The following VCL variants were observed in gnomAD, a reference collection of about 807,000 sequenced individuals.
The protein encoded by VCL is epididymis luminal protein 114.
VCL carries 47 observed loss-of-function variants against 125.7 expected under a neutral mutation model. The observed-to-expected ratio is 0.37, with a 90% CI of 0.30 to 0.48. The LOEUF is 0.48. Among genes scored for constraint, VCL ranks in the 20% least tolerant of loss-of-function variants. The pLI is 0.99. For synonymous variants in VCL, 458 were observed against 514.6 expected (o/e 0.89, Z 1.49); for missense variants, 1,069 against 1,455.5 (o/e 0.73, Z 4.32).
At chr10:74,022,604 AT>A (rs1565636376) in intron 1 of VCL, among the ~76,000 whole-genome samples, 10 of 40,344 alleles carry the variant, frequency 2.5e-4, no homozygotes, top group African/African-American at 4.0e-4. Flanking sequence ...AAATAAATAA[AT>A]AAATAAGTAA....
chr10:74,120,485 A>G (rs1340325528), downstream of VCL: 1 of 152,226 alleles, frequency 6.6e-6, no homozygotes, highest in Non-Finnish European at 1.5e-5. Flanking sequence ...TTCCCCGAAA[A>G]GCTAAAGTTG....
intron 8 of VCL, 44 bp from the exon 9 acceptor site, chr10:74,089,148 TTAAG>T (rs1306119974): frequency 2.5e-6 from 4 of 1,612,628 alleles, no homozygotes; most frequent in South Asian, 1.1e-5. Flanking sequence ...TATTTTGTCA[TTAAG>T]TATTTGAGGG....
chr10:74,000,302 C>T (rs1051181050), intron 1 of VCL, among the ~76,000 whole-genome samples: 13 of 142,932 alleles, frequency 9.1e-5, no homozygotes, highest in African/African-American at 2.6e-4. Context: ...CGCTCTGTCA[C>T]GCAGGCGCTG....
intron 1 of VCL, among the ~76,000 whole-genome samples, chr10:74,008,408 T>C (rs1348857370): frequency 6.6e-6 from 1 of 152,240 alleles, no homozygotes; most frequent in African/African-American, 2.4e-5. Flanking sequence ...AAATTCATAA[T>C]GTGAGAGTAT....
intron 2 of VCL, among the ~76,000 whole-genome samples, chr10:74,051,186 G>A (rs1448304787): frequency 6.6e-6 from 1 of 151,426 alleles, no homozygotes; most frequent in Non-Finnish European, 1.5e-5. Context: ...TGATCCATTT[G>A]CCTCAGCCTC....
intron 19 of VCL, among the ~76,000 whole-genome samples, chr10:74,112,334 TG>T (rs138082058): frequency 1.9e-4 from 29 of 151,428 alleles, no homozygotes; most frequent in East Asian, 7.8e-4. Context: ...TGAAGAGAGA[TG>T]GGGGGGGTCA....
At chr10:74,049,517 A>G (rs1841260126) in intron 2 of VCL, among the ~76,000 whole-genome samples, 1 of 152,174 alleles carries the variant, frequency 6.6e-6, no homozygotes, top group Non-Finnish European at 1.5e-5. Context: ...GAATAGTAGA[A>G]AGAGCGTTTA....
chr10:74,004,485 C>G (rs1840283186), intron 1 of VCL, among the ~76,000 whole-genome samples: 1 of 152,156 alleles, frequency 6.6e-6, no homozygotes, highest in African/African-American at 2.4e-5. Flanking sequence ...TCCACATCTA[C>G]TTAGAGCAAA....
rs1053319907 is a variant in VCL, at chr10:74,097,488, T to C, written c.1872+156T>C. Among the ~76,000 whole-genome samples the C allele has an allele frequency of 4.6e-5, 7 of 152,184 alleles. No individual in the cohort carries two copies. The highest frequency in any genetic ancestry group is 1.2e-4 in the African/African-American group (5 of 41,446). ...GGGAAAGCCCTACCACCTCTACTTT[T>C]AGTCTCCACGTATATCAGTGAGGAA... On this transcript the variant is annotated intron_variant, in intron 13 of 21. Transcript: ENST00000211998. This position sits in a 1 kb window ranked among gnomAD's most constrained non-coding sequence, Gnocchi z 4.1.
chr10:74,046,449 C>T (rs1841198166), intron 2 of VCL, among the ~76,000 whole-genome samples: 1 of 152,148 alleles, frequency 6.6e-6, no homozygotes, highest in Non-Finnish European at 1.5e-5. Context: ...CTCCCTGTTG[C>T]CCAGGCTGGT....
At chr10:74,035,950 ATAATT>A (rs1432214422) in intron 1 of VCL, among the ~76,000 whole-genome samples, 1 of 152,194 alleles carries the variant, frequency 6.6e-6, no homozygotes, top group Non-Finnish European at 1.5e-5. Context: ...TAATCCAGAG[ATAATT>A]TAAAGTATGT....
At chr10:74,107,641 A>T (rs1460398532) in intron 17 of VCL, among the ~76,000 whole-genome samples, 1 of 151,926 alleles carries the variant, frequency 6.6e-6, no homozygotes, top group East Asian at 1.9e-4. Context: ...GTAAGTGTGG[A>T]TGTGATGAGT....
chr10:74,042,583 A>G (rs1313525914), intron 1 of VCL, among the ~76,000 whole-genome samples: 1 of 152,102 alleles, frequency 6.6e-6, no homozygotes, highest in Non-Finnish European at 1.5e-5. Flanking sequence ...ATATTGTTTT[A>G]ATTTCAGTTT....
chr10:74,101,012 A>C lies in VCL; in HGVS notation c.1937A>C (p.Lys646Thr), dbSNP rs751374648. 1.2e-6 allele frequency: 2 copies of C among 1,614,090 alleles called. No homozygotes were observed. The highest frequency in any genetic ancestry group is 1.7e-6 in the Non-Finnish European group (2 of 1,179,978). ...HSGKLGATAE[K>T]AAAVGTANKS... ...GGAAAGCTTGGTGCTACGGCCGAGAAGGCGGCTGCGGTTGGTACTGCTAAT... is the reference window on the plus strand; with the variant it reads ...GGAAAGCTTGGTGCTACGGCCGAGACGGCGGCTGCGGTTGGTACTGCTAAT... Residue 646 changes from lysine (K) to threonine (T), a missense_variant, in exon 14 of 22, where the codon AAG becomes ACG. Transcript: ENST00000211998.
At position 74,105,116 on chromosome 10, in the gene VCL, G is replaced by C; in HGVS notation, c.2197G>C (p.Asp733His). The C allele has an allele frequency of 6.2e-7, 1 of 1,614,162 alleles. No individual in the cohort carries two copies. Among genetic ancestry groups the C allele is most frequent in the Non-Finnish European group, 8.5e-7 (1 of 1,180,030 alleles). Residue 733 changes from aspartate (D) to histidine (H), a missense_variant, in exon 16 of 22, where the codon GAC becomes CAC. By Grantham distance (81) the Asp-to-His change is moderately conservative. This residue lies in a region of VCL where 760 missense variants were observed against 928.9 expected (regional missense o/e 0.82). Coordinates refer to ENST00000211998, the MANE Select transcript of VCL (RefSeq NM_014000.3). ...LDASEEAIKK[D>H]LDKCKVAMAN... ...TGCTTCAGAAGAAGCAATTAAAAAA[G>C]ACCTGGACAAGTGCAAGGTAGCTAT...
chr10:74,001,318 T>C (rs1362297896), intron 1 of VCL, among the ~76,000 whole-genome samples: 6 of 152,212 alleles, frequency 3.9e-5, no homozygotes, highest in Non-Finnish European at 7.3e-5. Context: ...TATTCCTCTC[T>C]TTTTAAAAAA....
chr10:74,062,897 G>A (rs867242444), intron 2 of VCL, among the ~76,000 whole-genome samples: 7 of 151,910 alleles, frequency 4.6e-5, no homozygotes, highest in South Asian at 2.1e-4. Context: ...ATACCCCGTC[G>A]CTACTAAAAA....
chr10:74,057,964 C>G (rs963338269), intron 2 of VCL, among the ~76,000 whole-genome samples: 1 of 152,150 alleles, frequency 6.6e-6, no homozygotes, highest in Non-Finnish European at 1.5e-5. Flanking sequence ...AATAGACCAC[C>G]ATTTTTATGA....
chr10:74,006,720 T>C (rs899615734), intron 1 of VCL, among the ~76,000 whole-genome samples: 2 of 152,336 alleles, frequency 1.3e-5, no homozygotes, highest in African/African-American at 4.8e-5. Context: ...ACAACTATTA[T>C]GTAAAATTAC....
Sources: allele counts gnomAD v4.1 joint callset (sites outside exome capture counted in the v4.1 genomes callset), GRCh38; gene constraint gnomAD v4.1.1; regional missense constraint gnomAD v4.1.1; non-coding constraint Gnocchi (gnomAD v3.1); transcripts MANE v1.5; gene names NCBI Gene and HGNC (gene_info 2026-07-23, HGNC 2026-07-21).